The following FHIT variants were observed in gnomAD, a reference collection of about 807,000 sequenced individuals.
FHIT encodes bis(5'-adenosyl)-triphosphatase.
Under a neutral mutation model 17.9 loss-of-function variants are expected in FHIT, and 19 were observed. The ratio of observed to expected loss-of-function variants is 1.06; its 90% CI spans 0.74 to 1.56. The LOEUF (loss-of-function observed/expected upper bound fraction) is 1.56. FHIT is among the 40% of genes most tolerant of loss of function. FHIT has a pLI of 0.00. For synonymous variants in FHIT, 81 were observed against 69.7 expected (o/e 1.16, Z -0.81); for missense variants, 248 against 189.2 (o/e 1.31, Z -1.82).
At chr3:60,631,469 C>T (rs1275012230) in intron 4 of FHIT, among the ~76,000 whole-genome samples, 2 of 152,126 alleles carry the variant, frequency 1.3e-5, no homozygotes, top group African/African-American at 2.4e-5. Context: ...AGGGAGATGG[C>T]AACAATGCCT....
Position 60,848,014 on chromosome 3 carries a change from T to G in FHIT, c.-110-26003A>C, listed in dbSNP as rs573016582. 6.6e-5 allele frequency among the ~76,000 whole-genome samples: 10 copies of G among 152,322 alleles called. No homozygotes were observed. The South Asian group carries it at 1.9e-3, about 28-fold the overall frequency. ...CTTTCCCCTAGTTTGCACTTCCTAC[T>G]TATTGCTGCATACCATCACAAATTT... On this transcript the variant is annotated intron_variant, in intron 3 of 9. Transcript: ENST00000492590.
intron 3 of FHIT, among the ~76,000 whole-genome samples, chr3:60,968,951 A>G (rs1361772311): frequency 1.3e-5 from 2 of 152,128 alleles, no homozygotes; most frequent in Admixed American, 6.5e-5. Flanking sequence ...CTTTTTATAT[A>G]TCACTGGATT....
At chr3:60,447,781 T>C (rs1300482515) in intron 5 of FHIT, among the ~76,000 whole-genome samples, 1 of 152,100 alleles carries the variant, frequency 6.6e-6, no homozygotes, top group Admixed American at 6.6e-5. Flanking sequence ...AGCAAAGAGA[T>C]GGAGATTTAA....
rs548226220 is a variant in FHIT at position 59,833,690 on chromosome 3, A to G, written c.349-81369T>C. 5.9e-5 allele frequency among the ~76,000 whole-genome samples: 9 copies of G among 152,272 alleles called. No homozygotes were observed. The South Asian group carries it at 1.9e-3, about 32-fold the overall frequency. ...TGGAAAACTTCTGATGGAAATCACTATTATACTCATGAAGGTCATTGACAG... is the reference window on the plus strand; with the variant it reads ...TGGAAAACTTCTGATGGAAATCACTGTTATACTCATGAAGGTCATTGACAG... On this transcript the variant is annotated intron_variant, in intron 8 of 9. Transcript: ENST00000492590.
chr3:60,234,305 G>C (rs1325833988), intron 5 of FHIT, among the ~76,000 whole-genome samples: 4 of 152,122 alleles, frequency 2.6e-5, no homozygotes, highest in Non-Finnish European at 5.9e-5. Flanking sequence ...AACACTAACG[G>C]ATTTCATTTG....
intron 8 of FHIT, among the ~76,000 whole-genome samples, chr3:59,755,619 T>C (rs1024895446): frequency 7.9e-5 from 12 of 152,328 alleles, no homozygotes; most frequent in African/African-American, 2.9e-4. Flanking sequence ...ACAAGACAGT[T>C]GCTCTGTCTC....
intron 3 of FHIT, among the ~76,000 whole-genome samples, chr3:61,007,359 TA>T (rs1310875126): frequency 2.6e-5 from 4 of 152,210 alleles, no homozygotes; most frequent in Non-Finnish European, 5.9e-5. Flanking sequence ...CTGCCATGTT[TA>T]ATTACCTTTA....
intron 8 of FHIT, among the ~76,000 whole-genome samples, chr3:59,845,717 T>C (rs560166555): frequency 6.6e-6 from 1 of 152,264 alleles, no homozygotes; most frequent in South Asian, 2.1e-4. Context: ...CTGGAAAATG[T>C]CTCACGTGTA....
intron 4 of FHIT, among the ~76,000 whole-genome samples, chr3:60,574,085 C>T (rs570044394): frequency 6.5e-4 from 99 of 152,180 alleles, no homozygotes; most frequent in African/African-American, 2.1e-3. Context: ...GCTGGCATTA[C>T]AGACGGGAGC....
chr3:59,923,911 A>C (rs1046524456), intron 7 of FHIT, among the ~76,000 whole-genome samples: 2 of 152,230 alleles, frequency 1.3e-5, no homozygotes, highest in African/African-American at 4.8e-5. Flanking sequence ...CCCTGAGCAC[A>C]GTTCCCAAAG....
At chr3:60,314,959 G>A (rs1709101410) in intron 5 of FHIT, among the ~76,000 whole-genome samples, 1 of 152,082 alleles carries the variant, frequency 6.6e-6, no homozygotes, top group Non-Finnish European at 1.5e-5. Context: ...GAATTCAGCA[G>A]AACTTACTAT....
chr3:60,845,183 A>C (rs782464054), intron 3 of FHIT, among the ~76,000 whole-genome samples: 19 of 152,110 alleles, frequency 1.2e-4, no homozygotes, highest in Non-Finnish European at 2.4e-4. Context: ...TTAGTGTTCC[A>C]AGCTTTCCAT....
chr3:60,203,086 T>C (rs1702989664), intron 5 of FHIT, among the ~76,000 whole-genome samples: 1 of 152,082 alleles, frequency 6.6e-6, no homozygotes, highest in African/African-American at 2.4e-5. Flanking sequence ...ACTCTGTGGA[T>C]TGTACCAATG....
In FHIT at chr3:60,553,537, A is replaced by AGAGAGAGAGAGAGAGG. The variant is rs2036640551; in HGVS notation, c.-17-16559_-17-16558insCCTCTCTCTCTCTCTC. 6 of 55,788 alleles carry AGAGAGAGAGAGAGAGG rather than the reference A, an allele frequency of 1.1e-4. No homozygotes were observed. The South Asian group carries it at 3.7e-3, about 34-fold the overall frequency. The allele number at this position is 55,788 out of a possible 1,614,324, so 3.5% of individuals were successfully genotyped here. ...TATATATATAGAGAGAGAGAGAGGG[A>AGAGAGAGAGAGAGAGG]GAGAGAGAGAGAGAGAGAGAGAGGC... On this transcript the variant is annotated intron_variant, in intron 4 of 9. Transcript: ENST00000492590.
At chr3:61,191,735 C>T (rs1351692023) in intron 2 of FHIT, among the ~76,000 whole-genome samples, 1 of 152,058 alleles carries the variant, frequency 6.6e-6, no homozygotes. Flanking sequence ...GCTGGGCAGA[C>T]CCAGAGCAGC....
chr3:59,784,553 A>AC (rs1184994052), intron 8 of FHIT, among the ~76,000 whole-genome samples: 1 of 152,232 alleles, frequency 6.6e-6, no homozygotes, highest in Non-Finnish European at 1.5e-5. Flanking sequence ...AGAGTGTGGG[A>AC]CACTAACCAC....
At chr3:60,020,908 A>C (rs1428871127) in intron 5 of FHIT, among the ~76,000 whole-genome samples, 1 of 152,230 alleles carries the variant, frequency 6.6e-6, no homozygotes, top group African/African-American at 2.4e-5. Flanking sequence ...GAAAGGCAGA[A>C]ATATCACCCT....
intron 5 of FHIT, among the ~76,000 whole-genome samples, chr3:60,262,684 A>G (rs1383928765): frequency 6.7e-6 from 1 of 150,316 alleles, no homozygotes; most frequent in Non-Finnish European, 1.5e-5. Flanking sequence ...TTTACCCCTA[A>G]AACTGCTAGA....
intron 8 of FHIT, among the ~76,000 whole-genome samples, chr3:59,790,865 T>TA (rs952255016): frequency 3.3e-5 from 5 of 152,216 alleles, no homozygotes; most frequent in African/African-American, 1.2e-4. Context: ...AACTTTTTTT[T>TA]AATGAATGAA....
Sources: allele counts gnomAD v4.1 joint callset (sites outside exome capture counted in the v4.1 genomes callset), GRCh38; gene constraint gnomAD v4.1.1; transcripts MANE v1.5; gene names NCBI Gene and HGNC (gene_info 2026-07-23, HGNC 2026-07-21).